AP3D1: variants seen among roughly 807,000 people sequenced by gnomAD.
AP3D1 encodes the protein adaptor related protein complex 3 subunit delta 1, also known as AP-3 complex subunit delta-1.
A neutral mutation model predicts 147.6 loss-of-function variants in AP3D1; 51 were observed. The ratio of observed to expected loss-of-function variants is 0.35; its 90% confidence interval spans 0.28 to 0.44. The LOEUF (loss-of-function observed/expected upper bound fraction) is 0.44. AP3D1 is among the 20% of genes least tolerant of loss of function. The probability of loss-of-function intolerance (pLI) is 1.00; values close to 1 mark genes in which losing one functional copy is unlikely to be tolerated. For synonymous variants in AP3D1, 760 were observed against 663.0 expected, an observed-to-expected ratio of 1.15 and a Z score of -2.25; for missense variants, 1,421 against 1,624.2, an observed-to-expected ratio of 0.87 and a Z score of 2.15.
intron 9 of AP3D1, among the ~76,000 whole-genome samples, chr19:2,126,381 C>T (rs1300231410): frequency 6.6e-6 from 1 of 151,826 alleles, no homozygotes; most frequent in African/African-American, 2.4e-5. Context: ...GTGGGCCAGG[C>T]GCAGTGGCTC....
chr19:2,129,223 A>AG (rs199767758), intron 7 of AP3D1, 60 bp from the exon 8 acceptor site: 19,355 of 1,605,104 alleles, frequency 0.012, 160 homozygotes, highest in Non-Finnish European at 0.014. Flanking sequence ...GGTGAGGGAC[A>AG]GGGGGGGCCT....
chr19:2,149,767 G>A (rs1195476013), intron 1 of AP3D1, among the ~76,000 whole-genome samples: 1 of 152,194 alleles, frequency 6.6e-6, no homozygotes, highest in Non-Finnish European at 1.5e-5. Context: ...AGAACAGGCT[G>A]CTCAGTGACA....
rs529475787 is a variant in AP3D1 at position 2,111,719 on chromosome 19, T to A, written c.2897A>T (p.Glu966Val). 8 of 1,603,312 alleles carry A rather than the reference T, an allele frequency of 5.0e-6. No homozygotes were observed. The East Asian group carries it at 1.8e-4, about 36-fold the overall frequency. Residue 966 changes from glutamate to valine, a missense_variant, in exon 25 of 32, where the codon GAG (glutamate) becomes GTG (valine). Physicochemically the swap from Glu to Val is moderately radical, Grantham distance 121. Transcript: ENST00000643116. ...QPPGSEEAAGEPVQNGAPEEE... is the reference protein window; with the variant it reads ...QPPGSEEAAGVPVQNGAPEEE... ...CTCTGGCGCGCCATTCTGCACCGGC[T>A]CCCCCGCTGCCTCCTCGCTGCCTGG...
chr19:2,106,225 G>A (rs1426814858), intron 31 of AP3D1, among the ~76,000 whole-genome samples: 1 of 152,000 alleles, frequency 6.6e-6, no homozygotes, highest in East Asian at 1.9e-4. Context: ...CCTCAAACGT[G>A]GCATTACCAC....
rs117019553 is a variant in AP3D1, at chr19:2,136,993, C to T, written c.354+18G>A. ...GACTGCACTCAGCACAGAGCGGCCC[C>T]GGCCCGGGAACACCCACCTTACGGA... is the stretch of plus-strand genomic sequence containing the variant. On this transcript the variant is annotated intron_variant, in intron 4 of 31. Transcript: ENST00000643116. 69,814 of 1,570,776 alleles carry T rather than the reference C, an allele frequency of 0.044. 2,047 individuals are homozygous for T. Among genetic ancestry groups the T allele is most frequent in the East Asian group, 0.13 (5,354 of 41,852 alleles).
intron 1 of AP3D1, among the ~76,000 whole-genome samples, chr19:2,157,667 ACATC>A (rs1222500938): frequency 6.7e-6 from 1 of 148,942 alleles, no homozygotes; most frequent in Non-Finnish European, 1.5e-5. Flanking sequence ...AAAAAAACAA[ACATC>A]CACCCACCCA....
chr19:2,147,831 GCC>G (rs1235085664), intron 1 of AP3D1, among the ~76,000 whole-genome samples: 3 of 150,638 alleles, frequency 2.0e-5, no homozygotes, highest in Non-Finnish European at 4.4e-5. Flanking sequence ...GTTGCAGTGA[GCC>G]GAGATCGTGC....
At chr19:2,134,404 G>C (rs1490404036) in intron 4 of AP3D1, among the ~76,000 whole-genome samples, 1 of 150,838 alleles carries the variant, frequency 6.6e-6, no homozygotes, top group Non-Finnish European at 1.5e-5. Context: ...CTGGGTGACA[G>C]AGCAAAACCC....
intron 21 of AP3D1, 35 bp from the exon 22 acceptor site, chr19:2,114,337 C>G (rs2018378009): frequency 1.3e-6 from 2 of 1,565,134 alleles, no homozygotes; most frequent in Non-Finnish European, 8.8e-7. Context: ...ACATCAGCAC[C>G]ACTGGCCACC....
intron 31 of AP3D1, among the ~76,000 whole-genome samples, chr19:2,107,145 C>T (rs113664669): frequency 2.6e-5 from 4 of 151,540 alleles, no homozygotes; most frequent in Admixed American, 1.3e-4. Context: ...CGCTTGTATT[C>T]CCAGCTACTG....
intron 7 of AP3D1, 57 bp from the exon 8 acceptor site, chr19:2,129,220 G>T: frequency 6.2e-7 from 1 of 1,609,072 alleles, no homozygotes; most frequent in Non-Finnish European, 8.5e-7. Context: ...CAGGGTGAGG[G>T]ACAGGGGGGG....
intron 1 of AP3D1, among the ~76,000 whole-genome samples, chr19:2,158,317 A>G (rs2019665875): frequency 6.6e-6 from 1 of 150,954 alleles, no homozygotes; most frequent in Non-Finnish European, 1.5e-5. Flanking sequence ...CGGCCTCCCA[A>G]AGTGCTGGGA....
rs191639819 is a variant in AP3D1, at chr19:2,110,359, G to C, written c.3176-135C>G. 2,665 of 759,840 alleles carry C rather than the reference G, an allele frequency of 3.5e-3. 19 individuals are homozygous for C. The highest frequency in any genetic ancestry group is 0.014 in the South Asian group (902 of 64,616). 47.1% of individuals were successfully genotyped at this position (759,840 alleles called of 1,614,324 possible). A position where few individuals can be genotyped will look rare whatever the true frequency, so the allele number is the denominator to read the frequency against. ...GAGCTCAGCCCCCAAGGGAGCACCA[G>C]GGGACAGGAGCAGAAACAAGAGGCT... On this transcript the variant is annotated intron_variant, in intron 27 of 31. Coordinates refer to ENST00000643116, the MANE Select transcript of AP3D1 (RefSeq NM_001261826.3).
chr19:2,123,290 T>A (rs1038328401), intron 11 of AP3D1, 68 bp downstream of exon 11: 5 of 1,478,474 alleles, frequency 3.4e-6, no homozygotes, highest in Non-Finnish European at 4.7e-6. Flanking sequence ...CTCCTCACAC[T>A]AGGAGGACCC....
intron 1 of AP3D1, among the ~76,000 whole-genome samples, chr19:2,158,023 C>T (rs2019662374): frequency 6.6e-6 from 1 of 151,484 alleles, no homozygotes; most frequent in South Asian, 2.1e-4. Context: ...CACATGTGCT[C>T]TTTTTTTTTC....
At chr19:2,105,078 C>T (rs1050382629) in intron 31 of AP3D1, among the ~76,000 whole-genome samples, 1 of 152,122 alleles carries the variant, frequency 6.6e-6, no homozygotes, top group Non-Finnish European at 1.5e-5. Context: ...AATTTCAGAC[C>T]TGAAAAATAA....
At chr19:2,129,213 G>C in intron 7 of AP3D1, 50 bp from the exon 8 acceptor site, 1 of 1,608,790 alleles carries the variant, frequency 6.2e-7, no homozygotes, top group Non-Finnish European at 8.5e-7. Context: ...CCCCACGCAG[G>C]GTGAGGGACA....
intron 9 of AP3D1, among the ~76,000 whole-genome samples, chr19:2,126,895 G>A (rs192760751): frequency 1.6e-4 from 25 of 152,234 alleles, no homozygotes; most frequent in Admixed American, 1.6e-3. Flanking sequence ...CTCCAGAGTG[G>A]CTGGGCCACC....
chr19:2,142,036 T>C (rs573006944), intron 1 of AP3D1, among the ~76,000 whole-genome samples: 88 of 151,862 alleles, frequency 5.8e-4, no homozygotes, highest in African/African-American at 2.1e-3. Context: ...ATGTATCTTT[T>C]GAGACAGAGT....
Sources: gnomAD v4.1 joint callset for allele counts (sites outside exome capture counted in the v4.1 genomes callset) on GRCh38, gnomAD v4.1.1 for gene constraint, MANE v1.5 for transcripts, NCBI Gene and HGNC (gene_info 2026-07-23, HGNC 2026-07-21) for gene names.